Variants in METTL5 observed in about 807,000 individuals in gnomAD.
METTL5 encodes rRNA N(6)-adenosine-methyltransferase METTL5.
Under a neutral mutation model 26.5 loss-of-function variants are expected in METTL5, and 28 were observed. The observed-to-expected ratio is 1.06, with a 90% CI of 0.78 to 1.45. The LOEUF is 1.45. Ranked by LOEUF, METTL5 falls within the 40% of genes most tolerant of loss-of-function variation. METTL5 has a pLI of 0.00. For synonymous variants in METTL5, 86 were observed against 82.6 expected, an observed-to-expected ratio of 1.04 and a Z score of -0.22; for missense variants, 231 against 249.9, an observed-to-expected ratio of 0.92 and a Z score of 0.51.
Position 169,821,344 on chromosome 2 carries a change from T to TG in METTL5, c.225-72dup, listed in dbSNP as rs1193409588. On this transcript the variant is annotated intron_variant, in intron 2 of 6. Transcript: ENST00000260953. ...AAGTAAAAACAAAACCAAAATTAGC[T>TG]GTTTTTTTTTTAAACCATATATCTT... 8.3e-6 allele frequency: 9 copies of TG among 1,087,478 alleles called. No individual in the cohort carries two copies. The Admixed American group carries it at 2.9e-4, about 35-fold the overall frequency. 67.4% of individuals were successfully genotyped at this position (1,087,478 alleles called of 1,614,324 possible).
In METTL5 at chr2:169,813,556, A is replaced by C. The variant is rs570462477; in HGVS notation, c.542-1050T>G. 3.3e-5 allele frequency among the ~76,000 whole-genome samples: 5 copies of C among 152,030 alleles called. No homozygotes were observed. The East Asian group carries it at 9.7e-4, about 30-fold the overall frequency. On this transcript the variant is annotated intron_variant, in intron 5 of 6. Coordinates refer to ENST00000260953, the MANE Select transcript of METTL5 (RefSeq NM_014168.4). ...ACTGTTCTAAGGTGTTCCGTACTGC[A>C]TATAATACCTAAAACTGGCCGGGCG...
In METTL5 at chr2:169,812,271, A is replaced by C. The variant is rs369147532; in HGVS notation, c.591+186T>G. The C allele has an allele frequency of 6.1e-5, 54 of 886,852 alleles. No individual in the cohort carries two copies. In the South Asian group the frequency reaches 7.8e-4, roughly 13 times the overall value. The allele number at this position is 886,852 out of a possible 1,614,324, so 54.9% of individuals were successfully genotyped here. ...TTTTTCTTTTTCGAGACTGAGTCTC[A>C]CTCTTATCGCGCAGGCTGGAGTTCA... On this transcript the variant is annotated intron_variant, in intron 6 of 6. Transcript: ENST00000260953.
intron 1 of METTL5, 28 bp downstream of exon 1, chr2:169,824,461 C>T (rs372096437): frequency 2.3e-5 from 34 of 1,508,190 alleles, no homozygotes; most frequent in African/African-American, 1.2e-4. Flanking sequence ...ACGCCGAAAG[C>T]CGGGGCGTGG....
intron 4 of METTL5, among the ~76,000 whole-genome samples, chr2:169,816,101 G>C (rs182298076): frequency 6.6e-6 from 1 of 152,142 alleles, no homozygotes; most frequent in African/African-American, 2.4e-5. Context: ...GTTGTTAAAG[G>C]ATGCATGACT....
chr2:169,823,847 T>C (rs923261070), intron 1 of METTL5, among the ~76,000 whole-genome samples: 3 of 152,082 alleles, frequency 2.0e-5, no homozygotes, highest in Non-Finnish European at 2.9e-5. Context: ...AAAATTTTTT[T>C]CCCCTAAGGT....
At chr2:169,820,209 A>G (rs1359207994) in intron 3 of METTL5, among the ~76,000 whole-genome samples, 3 of 152,116 alleles carry the variant, frequency 2.0e-5, no homozygotes, top group Non-Finnish European at 4.4e-5. Context: ...CACCCACCTC[A>G]GCCTCCAAAG....
chr2:169,821,288 C>A lies in METTL5; in HGVS notation c.225-15G>T. On this transcript the variant is annotated splice_polypyrimidine_tract_variant and intron_variant, in intron 2 of 6. Coordinates refer to ENST00000260953, the MANE Select transcript of METTL5 (RefSeq NM_014168.4). Reference sequence around the variant, plus strand: ...CAACACACAACCTATAAATACAAAACACATACAAAGAGTGGCGACTTATAG... The same window carrying A: ...CAACACACAACCTATAAATACAAAAAACATACAAAGAGTGGCGACTTATAG... The A allele has an allele frequency of 6.4e-7, 1 of 1,563,992 alleles. No homozygotes were observed.
intron 5 of METTL5, 63 bp downstream of exon 5, chr2:169,815,414 A>T: frequency 8.3e-7 from 1 of 1,206,384 alleles, no homozygotes; most frequent in South Asian, 1.3e-5. Context: ...CACCTGCATG[A>T]AAATTTTGGT....
At chr2:169,823,507 AG>A (rs896851120) in intron 1 of METTL5, among the ~76,000 whole-genome samples, 6 of 152,174 alleles carry the variant, frequency 3.9e-5, no homozygotes, top group African/African-American at 1.4e-4. Context: ...AACTCCTTGC[AG>A]GTACTCTCAG....
intron 5 of METTL5, chr2:169,813,207 A>G (rs1401406033): frequency 6.6e-6 from 1 of 150,942 alleles, no homozygotes; most frequent in Non-Finnish European, 1.5e-5. Context: ...GGCTCACTGC[A>G]AGCTCCACCT....
intron 4 of METTL5, 78 bp downstream of exon 4, chr2:169,819,482 AG>A: frequency 9.6e-7 from 1 of 1,042,396 alleles, no homozygotes; most frequent in East Asian, 2.4e-5. Context: ...TGTGGTATCT[AG>A]TATTCACAGC....
At chr2:169,824,316 G>C (rs2081623558) in intron 1 of METTL5, 173 bp downstream of exon 1, 2 of 597,344 alleles carry the variant, frequency 3.3e-6, no homozygotes, top group South Asian at 3.9e-5. Context: ...GTGTATGTCT[G>C]TGGAGGGTGT....
rs368569451 is a variant in METTL5 at position 169,824,762 on chromosome 2, G to C, written c.-165C>G. 17 of 583,190 alleles carry C rather than the reference G, an allele frequency of 2.9e-5. No individual in the cohort carries two copies. The highest frequency in any genetic ancestry group is 1.2e-4 in the South Asian group (6 of 49,872). The allele number at this position is 583,190 out of a possible 1,614,324, so 36.1% of individuals were successfully genotyped here. ...AAGGAGACGCCCGGACGCAGGGCAC[G>C]GGGCGAGCCTCTGACCCACCTCCCG... is the stretch of plus-strand genomic sequence containing the variant. On this transcript the variant is annotated 5_prime_UTR_variant, in exon 1 of 7. Transcript: ENST00000260953.
chr2:169,817,782 G>A lies in METTL5; in HGVS notation c.489+1779C>T, dbSNP rs185012073. ...GCCTGTTGGGGGGTGGGGGGCTGGCGGAGAGATAGCATTAGGAGAAATACC... is the reference window on the plus strand; with the variant it reads ...GCCTGTTGGGGGGTGGGGGGCTGGCAGAGAGATAGCATTAGGAGAAATACC... On this transcript the variant is annotated intron_variant, in intron 4 of 6. Coordinates refer to ENST00000260953, the MANE Select transcript of METTL5 (RefSeq NM_014168.4). Among the ~76,000 whole-genome samples the A allele has an allele frequency of 6.3e-3, 964 of 151,848 alleles. 12 individuals are homozygous for A. The highest frequency in any genetic ancestry group is 0.022 in the African/African-American group (902 of 41,292).
chr2:169,821,008 G>A (rs1478351207), intron 3 of METTL5, 84 bp downstream of exon 3: 16 of 1,154,780 alleles, frequency 1.4e-5, no homozygotes, highest in Middle Eastern at 3.0e-4. Context: ...GGCATTACAC[G>A]CCTGAGCCAC....
intron 4 of METTL5, among the ~76,000 whole-genome samples, chr2:169,815,956 G>A: frequency 6.6e-6 from 1 of 152,060 alleles, no homozygotes; most frequent in South Asian, 2.1e-4. Context: ...ATTGCCTGTA[G>A]TATTCAATAC....
chr2:169,821,872 T>A, intron 2 of METTL5, 71 bp downstream of exon 2: 1 of 1,362,142 alleles, frequency 7.3e-7, no homozygotes, highest in Non-Finnish European at 1.0e-6. Flanking sequence ...ATAAATATAA[T>A]TCAGTTAATC....
rs778722724 is a variant in METTL5, at chr2:169,822,075, AAAG to A, written c.110-21_110-19del. On this transcript the variant is annotated intron_variant, in intron 1 of 6. Coordinates refer to ENST00000260953, the MANE Select transcript of METTL5 (RefSeq NM_014168.4). ...CATACATGCTAAAAAATAAAAAAAA[AAAG>A]AATAAGTAAGCAAGCCGGTGACTAA... 1.0e-5 allele frequency: 16 copies of A among 1,581,734 alleles called. No homozygotes were observed. In the East Asian group the frequency reaches 1.1e-4, roughly 11 times the overall value.
chr2:169,823,011 G>C (rs897795606), intron 1 of METTL5, among the ~76,000 whole-genome samples: 49 of 151,976 alleles, frequency 3.2e-4, no homozygotes, highest in African/African-American at 1.1e-3. Flanking sequence ...TCAGAGACAG[G>C]GTCTATCTCT....
Sources: gnomAD v4.1 joint callset for allele counts (sites outside exome capture counted in the v4.1 genomes callset) on GRCh38, gnomAD v4.1.1 for gene constraint, MANE v1.5 for transcripts, NCBI Gene and HGNC (gene_info 2026-07-23, HGNC 2026-07-21) for gene names.